MGST1: variants seen among roughly 807,000 people sequenced by gnomAD.
MGST1 encodes microsomal glutathione S-transferase 1, also known as glutathione S-transferase 12.
Under a neutral mutation model 8.9 loss-of-function variants are expected in MGST1, and 5 were observed. The observed-to-expected ratio is 0.56, with a 90% CI of 0.29 to 1.19. The LOEUF (loss-of-function observed/expected upper bound fraction) is 1.19. MGST1 is among the 50% of genes most tolerant of loss of function. The pLI is 0.08. For missense variants in MGST1, 182 were observed against 187.4 expected (o/e 0.97, Z 0.17); for synonymous variants, 54 against 67.8 (o/e 0.80, Z 1.00).
intron 4 of MGST1, among the ~76,000 whole-genome samples, chr12:16,457,255 A>G (rs1230045179): frequency 2.6e-5 from 4 of 151,994 alleles, no homozygotes; most frequent in Non-Finnish European, 5.9e-5. Context: ...TTAGAAATAT[A>G]TGTGTTCATA....
chr12:16,489,939 G>T (rs1941428029), intron 4 of MGST1, among the ~76,000 whole-genome samples: 1 of 152,126 alleles, frequency 6.6e-6, no homozygotes. Context: ...TCAAAAAAAT[G>T]TGAATGGGAG....
Position 16,555,697 on chromosome 12 carries a change from G to T in MGST1, n.483-33831G>T, listed in dbSNP as rs1942166225. On this transcript the variant is annotated intron_variant and non_coding_transcript_variant, in intron 4 of 4. Transcript: ENST00000538857. This position sits in a 1 kb window ranked among gnomAD's most constrained non-coding sequence, Gnocchi z 5.5. ...TACTCCTCCATGTGCCTACCAAACC[G>T]CTTCTCTAATCTCTGAACATACTGA... 6.6e-6 allele frequency among the ~76,000 whole-genome samples: 1 copy of T among 151,982 alleles called. No individual in the cohort carries two copies. The highest frequency in any genetic ancestry group is 2.4e-5 in the African/African-American group (1 of 41,368).
intron 4 of MGST1, among the ~76,000 whole-genome samples, chr12:16,444,399 A>G (rs1380532569): frequency 6.6e-6 from 1 of 151,766 alleles, no homozygotes; most frequent in Non-Finnish European, 1.5e-5. Flanking sequence ...ACTGCTCATG[A>G]ATTCATTATG....
chr12:16,381,102 G>T (rs1050679611), downstream of MGST1, among the ~76,000 whole-genome samples: 1 of 152,096 alleles, frequency 6.6e-6, no homozygotes, highest in Non-Finnish European at 1.5e-5. Context: ...CAATTTGCCG[G>T]TCTGTGTCTT....
At chr12:16,428,340 A>C (rs919777501) in intron 1 of MGST1, among the ~76,000 whole-genome samples, 27 of 151,930 alleles carry the variant, frequency 1.8e-4, no homozygotes, top group African/African-American at 3.6e-4. Flanking sequence ...AGTTATTTTA[A>C]AGTAAAGTGC....
intron 1 of MGST1, among the ~76,000 whole-genome samples, chr12:16,351,528 G>T (rs918598935): frequency 1.3e-5 from 2 of 152,104 alleles, no homozygotes; most frequent in African/African-American, 4.8e-5. Flanking sequence ...AAAATAGGGG[G>T]GCCAGGCATG....
At chr12:16,381,773 C>G (rs1388931481), downstream of MGST1, among the ~76,000 whole-genome samples, 1 of 152,180 alleles carries the variant, frequency 6.6e-6, no homozygotes, top group Admixed American at 6.5e-5. Flanking sequence ...TTCAGGTACA[C>G]CAATCAGATG....
chr12:16,565,003 T>C (rs1257057822), intron 4 of MGST1, among the ~76,000 whole-genome samples: 1 of 152,148 alleles, frequency 6.6e-6, no homozygotes, highest in Non-Finnish European at 1.5e-5. Flanking sequence ...TTGCCCAGGC[T>C]GAACTCACAC....
rs138404259 is a variant in MGST1, at chr12:16,399,961, G to A, written n.778+16357G>A. 3.5e-3 allele frequency: 4,648 copies of A among 1,316,068 alleles called. 135 individuals carry two copies. In the African/African-American group the frequency reaches 0.059, roughly 17 times the overall value. The allele number at this position is 1,316,068 out of a possible 1,614,324, so 81.5% of individuals were successfully genotyped here. A position where few individuals can be genotyped will look rare whatever the true frequency, so the allele number is the denominator to read the frequency against. On this transcript the variant is annotated intron_variant and non_coding_transcript_variant, in intron 1 of 1. Coordinates refer to the MGST1 transcript ENST00000359720. ...TGGCCATTCCATAGCATTTACCAGCGCACTACTAGTGGGCTGAAGGAGGCA... is the reference window on the plus strand; with the variant it reads ...TGGCCATTCCATAGCATTTACCAGCACACTACTAGTGGGCTGAAGGAGGCA...
At chr12:16,421,199 G>A (rs1940832580) in intron 1 of MGST1, among the ~76,000 whole-genome samples, 1 of 152,044 alleles carries the variant, frequency 6.6e-6, no homozygotes, top group South Asian at 2.1e-4. Context: ...TTTGGGGAAG[G>A]GAGGTACTAA....
At position 16,517,429 on chromosome 12, in the gene MGST1, C is replaced by T. The variant is rs1008738752; in HGVS notation, n.483-72099C>T. Reference sequence around the variant, plus strand: ...TCTTTCTTTTGCCTTGTGATGCCTCCTGCCTTCTGACACAGCAAGAAGGCC... The same window carrying T: ...TCTTTCTTTTGCCTTGTGATGCCTCTTGCCTTCTGACACAGCAAGAAGGCC... On this transcript the variant is annotated intron_variant and non_coding_transcript_variant, in intron 4 of 4. Coordinates refer to the MGST1 transcript ENST00000538857. The surrounding 1 kb of genome is among the most constrained non-coding windows in gnomAD (Gnocchi z 4.2). Among the ~76,000 whole-genome samples the T allele has an allele frequency of 1.3e-5, 2 of 150,684 alleles. No individual in the cohort carries two copies. The highest frequency in any genetic ancestry group is 2.9e-5 in the Non-Finnish European group (2 of 68,044).
At chr12:16,434,227 C>A (rs1355584777) in intron 1 of MGST1, among the ~76,000 whole-genome samples, 1 of 151,990 alleles carries the variant, frequency 6.6e-6, no homozygotes, top group Non-Finnish European at 1.5e-5. Flanking sequence ...TCACTGAGAA[C>A]AAATCCTTAA....
chr12:16,481,956 A>C (rs552954150), intron 4 of MGST1, among the ~76,000 whole-genome samples: 8 of 152,332 alleles, frequency 5.3e-5, no homozygotes, highest in Non-Finnish European at 1.2e-4. Flanking sequence ...AAAATTGCGG[A>C]ACACCACAGT....
chr12:16,414,105 A>G (rs1940764878), intron 1 of MGST1, among the ~76,000 whole-genome samples: 2 of 151,820 alleles, frequency 1.3e-5, no homozygotes, highest in Admixed American at 1.3e-4. Flanking sequence ...TCTGTTACCA[A>G]GAGAGGTAAT....
At chr12:16,428,367 T>C (rs1341365897) in intron 1 of MGST1, among the ~76,000 whole-genome samples, 3 of 151,934 alleles carry the variant, frequency 2.0e-5, no homozygotes, top group Non-Finnish European at 4.4e-5. Flanking sequence ...CTAATTTTTT[T>C]CTGAAAATGA....
At chr12:16,387,879 C>T (rs1432973055) in intron 1 of MGST1, among the ~76,000 whole-genome samples, 1 of 151,700 alleles carries the variant, frequency 6.6e-6, no homozygotes, top group Non-Finnish European at 1.5e-5. Flanking sequence ...CAAATACTTA[C>T]CATTGCACTA....
intron 1 of MGST1, among the ~76,000 whole-genome samples, chr12:16,387,817 A>G (rs1394445425): frequency 6.6e-6 from 1 of 151,910 alleles, no homozygotes; most frequent in Non-Finnish European, 1.5e-5. Flanking sequence ...GAGCCGCCGC[A>G]CCCTGCTGTT....
intron 1 of MGST1, among the ~76,000 whole-genome samples, chr12:16,385,748 G>A (rs555971185): frequency 2.7e-4 from 40 of 149,134 alleles, no homozygotes; most frequent in Non-Finnish European, 4.0e-4. Flanking sequence ...TCTTTGGCAC[G>A]ATACTGTGGA....
chr12:16,396,673 A>G (rs1565446825), intron 1 of MGST1, among the ~76,000 whole-genome samples: 1 of 152,090 alleles, frequency 6.6e-6, no homozygotes, highest in Non-Finnish European at 1.5e-5. Context: ...AAAGAACTCA[A>G]CTCCTCTTAA....
Sources: gnomAD v4.1 joint callset for allele counts (sites outside exome capture counted in the v4.1 genomes callset) on GRCh38, gnomAD v4.1.1 for gene constraint, Gnocchi (gnomAD v3.1) non-coding constraint, MANE v1.5 for transcripts, NCBI Gene and HGNC (gene_info 2026-07-23, HGNC 2026-07-21) for gene names.